The following CARMIL1 variants were observed in gnomAD, a reference collection of about 807,000 sequenced individuals.
The protein encoded by CARMIL1 is capping protein regulator and myosin 1 linker 1.
CARMIL1 carries 90 observed loss-of-function variants against 177.1 expected under a neutral mutation model. That is an observed-to-expected ratio of 0.51 (90% CI 0.43 to 0.61). The LOEUF is 0.61. Among genes scored for constraint, CARMIL1 ranks in the 20% least tolerant of loss-of-function variants. CARMIL1 has a pLI of 0.00. For synonymous variants in CARMIL1, 577 were observed against 606.2 expected (o/e 0.95, Z 0.71); for missense variants, 1,380 against 1,667.0 (o/e 0.83, Z 3.00).
At chr6:25,596,973 AC>A (rs61159937) in intron 32 of CARMIL1, among the ~76,000 whole-genome samples, 22,749 of 152,070 alleles carry the variant, frequency 0.15, 1,818 homozygotes, top group Middle Eastern at 0.21. Context: ...TGTTGTTATA[AC>A]AAAATACTTA....
At chr6:25,562,081 A>G (rs1253063399) in intron 29 of CARMIL1, among the ~76,000 whole-genome samples, 5 of 151,766 alleles carry the variant, frequency 3.3e-5, no homozygotes, top group African/African-American at 9.7e-5. Context: ...TGATGTAATA[A>G]TATTTGTTAC....
intron 29 of CARMIL1, among the ~76,000 whole-genome samples, chr6:25,565,404 T>C (rs1016678757): frequency 1.3e-5 from 2 of 152,162 alleles, no homozygotes; most frequent in African/African-American, 4.8e-5. Flanking sequence ...GCTCTGGGGC[T>C]CAGTAGTCAA....
In CARMIL1 at chr6:25,539,970, T is replaced by C. The variant is rs767768138; in HGVS notation, c.2220T>C (p.Val740=). Residue 740 remains valine, a synonymous_variant, in exon 26 of 37, where the codon GTT becomes GTC. Transcript: ENST00000329474. ...AGTTGTTACCAAATTTATACCATGT[T>C]GGTGGTGCATCTTGGGCGGGAGCCA... ...SKTLLPNLYH[V]GGASWAGASG... The C allele has an allele frequency of 3.8e-6, 6 of 1,597,556 alleles. No individual in the cohort carries two copies. Among genetic ancestry groups the C allele is most frequent in the Non-Finnish European group, 5.1e-6 (6 of 1,173,934 alleles).
chr6:25,298,853 C>G (rs1782635575), intron 2 of CARMIL1, among the ~76,000 whole-genome samples: 1 of 150,612 alleles, frequency 6.6e-6, no homozygotes, highest in African/African-American at 2.4e-5. Flanking sequence ...CTCCTGGGTT[C>G]AAGCGATTCT....
intron 2 of CARMIL1, among the ~76,000 whole-genome samples, chr6:25,287,784 C>T (rs965201473): frequency 1.3e-5 from 2 of 152,232 alleles, no homozygotes; most frequent in African/African-American, 2.4e-5. Context: ...ATCTGCTTTG[C>T]CTTTGTGGTC....
At chr6:25,364,343 C>T (rs966040437) in intron 2 of CARMIL1, among the ~76,000 whole-genome samples, 3 of 152,190 alleles carry the variant, frequency 2.0e-5, no homozygotes, top group South Asian at 2.1e-4. Flanking sequence ...TGACCACCAC[C>T]GCAGTTAAGA....
intron 2 of CARMIL1, among the ~76,000 whole-genome samples, chr6:25,294,856 G>GATCTGAACTGAATTA (rs1782267814): frequency 6.6e-6 from 1 of 152,090 alleles, no homozygotes; most frequent in Admixed American, 6.6e-5. Context: ...CATGCTTGGC[G>GATCTGAACTGAATTA]AACACCCTTG....
chr6:25,600,733 C>T lies in CARMIL1; in HGVS notation c.3539C>T (p.Ala1180Val), dbSNP rs1439862950. ...EMKAKQEKRAACAQKKLGNDA... is the reference protein window; with the variant it reads ...EMKAKQEKRAVCAQKKLGNDA... ...AAAGCCAAGCAAGAGAAGAGAGCTG[C>T]GTGTGCGCAGAAGGTAAGGGTGGAC... Residue 1180 changes from alanine to valine, a missense_variant, in exon 33 of 37, where the codon GCG (alanine) becomes GTG (valine). Transcript: ENST00000329474. 13 of 1,539,082 alleles carry T rather than the reference C, an allele frequency of 8.4e-6. No homozygotes were observed. Among genetic ancestry groups the T allele is most frequent in the South Asian group, 2.6e-5 (2 of 77,896 alleles).
chr6:25,285,513 T>A (rs541377001), intron 2 of CARMIL1, among the ~76,000 whole-genome samples: 1 of 152,280 alleles, frequency 6.6e-6, no homozygotes, highest in East Asian at 1.9e-4. Context: ...AGAAAACTTC[T>A]TAGAGAGGTG....
rs1173575867 is a variant in CARMIL1 at position 25,515,383 on chromosome 6, C to T, written c.1633-292C>T. On this transcript the variant is annotated intron_variant, in intron 20 of 36. Coordinates refer to ENST00000329474, the MANE Select transcript of CARMIL1 (RefSeq NM_017640.6). The surrounding 1 kb of genome is among the most constrained non-coding windows in gnomAD (Gnocchi z 5.0). Reference sequence around the variant, plus strand: ...TTGTTATGTTTTTATTTATTTCATCCTATCCTCTGCTTCACGCTGGCAGTT... The same window carrying T: ...TTGTTATGTTTTTATTTATTTCATCTTATCCTCTGCTTCACGCTGGCAGTT... Among the ~76,000 whole-genome samples, 4 of 151,954 alleles carry T rather than the reference C, an allele frequency of 2.6e-5. No individual in the cohort carries two copies. Among genetic ancestry groups the T allele is most frequent in the Non-Finnish European group, 5.9e-5 (4 of 68,002 alleles).
intron 2 of CARMIL1, among the ~76,000 whole-genome samples, chr6:25,411,656 A>G (rs1010487384): frequency 1.4e-4 from 21 of 152,226 alleles, no homozygotes; most frequent in Non-Finnish European, 2.9e-4. Context: ...GGCATGCTGT[A>G]TGTAAACATT....
intron 2 of CARMIL1, among the ~76,000 whole-genome samples, chr6:25,332,773 G>A (rs2744304): frequency 0.28 from 28,678 of 103,650 alleles, 2,856 homozygotes; most frequent in East Asian, 0.41. Flanking sequence ...ACACACACAC[G>A]CGCACACACA....
In CARMIL1 at chr6:25,403,796, A is replaced by T. The variant is rs915845865; in HGVS notation, c.139-16318A>T. Among the ~76,000 whole-genome samples the T allele has an allele frequency of 3.3e-5, 5 of 152,268 alleles. No individual in the cohort carries two copies. In the South Asian group the frequency reaches 1.0e-3, roughly 32 times the overall value. Reference sequence around the variant, plus strand: ...AACCCCCAGGCATTAAGCACGCTCTATTCTCTTTTTGTACTACATTTTTCT... The same window carrying T: ...AACCCCCAGGCATTAAGCACGCTCTTTTCTCTTTTTGTACTACATTTTTCT... On this transcript the variant is annotated intron_variant, in intron 2 of 36. Transcript: ENST00000329474.
intron 26 of CARMIL1, among the ~76,000 whole-genome samples, chr6:25,546,896 T>A (rs1809547150): frequency 6.6e-6 from 1 of 150,984 alleles, no homozygotes; most frequent in South Asian, 2.1e-4. Context: ...CTAAAAAAAA[T>A]ACAAAAAAAG....
chr6:25,311,238 A>G (rs569594706), intron 2 of CARMIL1, among the ~76,000 whole-genome samples: 17 of 152,294 alleles, frequency 1.1e-4, no homozygotes, highest in African/African-American at 4.1e-4. Context: ...AAGTACCTTT[A>G]GTTTTTCCAA....
At chr6:25,348,737 G>A (rs935160008) in intron 2 of CARMIL1, among the ~76,000 whole-genome samples, 7 of 152,044 alleles carry the variant, frequency 4.6e-5, no homozygotes, top group African/African-American at 1.7e-4. Context: ...AGCCGAGATC[G>A]TGCCTCTGCA....
At chr6:25,286,047 A>ATT (rs111371239) in intron 2 of CARMIL1, among the ~76,000 whole-genome samples, 1 of 151,794 alleles carries the variant, frequency 6.6e-6, no homozygotes, top group African/African-American at 2.4e-5. Flanking sequence ...AATTTTGTTT[A>ATT]TTTTTTGTAG....
intron 2 of CARMIL1, among the ~76,000 whole-genome samples, chr6:25,358,833 A>C (rs1217180379): frequency 6.6e-6 from 1 of 152,242 alleles, no homozygotes; most frequent in Non-Finnish European, 1.5e-5. Context: ...GTGTATATGC[A>C]ATTTAAGTAA....
chr6:25,559,439 G>A (rs569528496), intron 29 of CARMIL1, among the ~76,000 whole-genome samples: 4 of 152,212 alleles, frequency 2.6e-5, no homozygotes, highest in Middle Eastern at 3.4e-3. Flanking sequence ...TAAGTGATCC[G>A]GAAAGTTAGG....
Sources: allele counts gnomAD v4.1 joint callset (sites outside exome capture counted in the v4.1 genomes callset), GRCh38; gene constraint gnomAD v4.1.1; non-coding constraint Gnocchi (gnomAD v3.1); transcripts MANE v1.5; gene names NCBI Gene and HGNC (gene_info 2026-07-23, HGNC 2026-07-21).